The following MINK1 variants were observed in gnomAD, a reference collection of about 807,000 sequenced individuals.
The protein encoded by MINK1 is misshapen-like kinase 1.
A neutral mutation model predicts 178.4 loss-of-function variants in MINK1; 46 were observed. The observed-to-expected ratio is 0.26, with a 90% CI of 0.20 to 0.33. The LOEUF is 0.33. MINK1 is among the 10% of genes least tolerant of loss of function. MINK1 has a pLI of 1.00. For missense variants in MINK1, 1,366 were observed against 1,814.9 expected (o/e 0.75, Z 4.49); for synonymous variants, 797 against 709.7 (o/e 1.12, Z -1.96).
chr17:4,867,238 C>G (rs1176383121), intron 1 of MINK1, among the ~76,000 whole-genome samples: 1 of 142,852 alleles, frequency 7.0e-6, no homozygotes, highest in African/African-American at 2.6e-5. Flanking sequence ...GGCTCATCCT[C>G]CTGGGCTCAA....
In MINK1 at chr17:4,896,754, G is replaced by C. The variant is rs1969544697; in HGVS notation, c.3856G>C (p.Gly1286Arg). Residue 1286 changes from glycine to arginine, a missense_variant, in exon 31 of 32, where the codon GGG becomes CGG. Coordinates refer to ENST00000355280, the MANE Select transcript of MINK1 (RefSeq NM_153827.5). The surrounding 1 kb of genome is among the most constrained non-coding windows in gnomAD (Gnocchi z 4.6). ...IRSVETGHLD[G>R]VFMHKRAQRL... Reference sequence around the variant, plus strand: ...CTCTGTGGAGACGGGCCACCTCGACGGGGTCTTCATGCACAAACGAGCTCA... The same window carrying C: ...CTCTGTGGAGACGGGCCACCTCGACCGGGTCTTCATGCACAAACGAGCTCA... The C allele has an allele frequency of 6.2e-7, 1 of 1,600,414 alleles. No homozygotes were observed. The highest frequency in any genetic ancestry group is 8.5e-7 in the Non-Finnish European group (1 of 1,172,618).
chr17:4,850,278 T>C (rs1911729000), intron 1 of MINK1, among the ~76,000 whole-genome samples: 1 of 152,266 alleles, frequency 6.6e-6, no homozygotes. Flanking sequence ...ATGAAAGGTG[T>C]CTGGGAAGGT....
chr17:4,894,305 T>C lies in MINK1; in HGVS notation c.2802T>C (p.Ser934=). 6.2e-7 allele frequency: 1 copy of C among 1,601,756 alleles called. No homozygotes were observed. The highest frequency in any genetic ancestry group is 8.5e-7 in the Non-Finnish European group (1 of 1,177,006). The change falls in exon 23 of 32, where the codon AGT becomes AGC. Residue 934 remains serine, a synonymous_variant. Transcript: ENST00000355280. This position sits in a 1 kb window ranked among gnomAD's most constrained non-coding sequence, Gnocchi z 4.1. ...AAAGCCCACCCTCGAAGGATGGGAG[T>C]GGTGACGTAAGTGGGCCGGAGGCAG... ...KGQSPPSKDG[S]GDYQSRGLVK...
rs1387883967 is a variant in MINK1 at position 4,836,608 on chromosome 17, A to G, written c.57+2968A>G. 1.3e-5 allele frequency among the ~76,000 whole-genome samples: 2 copies of G among 152,192 alleles called. No individual in the cohort carries two copies. Among genetic ancestry groups the G allele is most frequent in the African/African-American group, 4.8e-5 (2 of 41,442 alleles). On this transcript the variant is annotated intron_variant, in intron 1 of 31. Transcript: ENST00000355280. This position sits in a 1 kb window ranked among gnomAD's most constrained non-coding sequence, Gnocchi z 4.3. ...AGTCCTGTATCGTGGGCATGGTAAT[A>G]GTACTGAATGCAGAGTTGCTGAGGA...
intron 16 of MINK1, 123 bp downstream of exon 16, chr17:4,891,839 G>A (rs776844443): frequency 1.0e-5 from 14 of 1,360,308 alleles, no homozygotes; most frequent in African/African-American, 4.4e-5. Flanking sequence ...AAGCCAGGGC[G>A]CTGCCCTGCC....
Position 4,848,496 on chromosome 17 carries a change from G to T in MINK1, c.57+14856G>T, listed in dbSNP as rs572525133. On this transcript the variant is annotated intron_variant, in intron 1 of 31. Coordinates refer to ENST00000355280, the MANE Select transcript of MINK1 (RefSeq NM_153827.5). The stretch of plus-strand genomic sequence containing the variant: ...CTGCCTCAGCCTCCCAAGTAGCTGG[G>T]ACTACAGGCACCTGCCACCACACCT... Among the ~76,000 whole-genome samples the T allele has an allele frequency of 7.2e-5, 11 of 152,164 alleles. No individual in the cohort carries two copies. The South Asian group carries it at 2.3e-3, about 32-fold the overall frequency.
At chr17:4,854,475 C>T (rs1912694787) in intron 1 of MINK1, among the ~76,000 whole-genome samples, 1 of 152,192 alleles carries the variant, frequency 6.6e-6, no homozygotes, top group Non-Finnish European at 1.5e-5. Context: ...GGCCCCTCTG[C>T]TCTGACTGGT....
intron 1 of MINK1, chr17:4,847,339 A>G (rs950101338): frequency 4.0e-5 from 17 of 423,532 alleles, no homozygotes; most frequent in African/African-American, 2.6e-4. Flanking sequence ...CCTCGGTTCA[A>G]TCAATTCTCC....
chr17:4,898,047 A>C lies in MINK1; in HGVS notation c.*760A>C, dbSNP rs1452648665. 1.3e-5 allele frequency: 2 copies of C among 148,446 alleles called. No individual in the cohort carries two copies. Among genetic ancestry groups the C allele is most frequent in the South Asian group, 4.1e-4 (2 of 4,888 alleles). 9.2% of individuals were successfully genotyped at this position (148,446 alleles called of 1,614,324 possible). ...TCCTGTTTGTTAATAAAGACAATTC[A>C]ACCAGCTCCCACCATGCAGGCCGCA... On this transcript the variant is annotated 3_prime_UTR_variant, in exon 32 of 32. Transcript: ENST00000355280.
rs1474469564 is a variant in MINK1 at position 4,892,486 on chromosome 17, G to GC, written c.2177dup (p.Gly727TrpfsTer7). 6.4e-7 allele frequency: 1 copy of GC among 1,561,424 alleles called. No homozygotes were observed. The highest frequency in any genetic ancestry group is 8.7e-7 in the Non-Finnish European group (1 of 1,153,352). On this transcript the variant is annotated frameshift_variant, in exon 18 of 32. Coordinates refer to ENST00000355280, the MANE Select transcript of MINK1 (RefSeq NM_153827.5). LOFTEE classifies it high-confidence loss of function. ...CAAAGCCTCCAGGGCCCCCTGCTCA[G>GC]CCCCCTGGCCCGCCCAACGCCTCTA...
At chr17:4,853,358 G>A (rs1912489150) in intron 1 of MINK1, among the ~76,000 whole-genome samples, 1 of 89,742 alleles carries the variant, frequency 1.1e-5, no homozygotes, top group Admixed American at 1.1e-4. Flanking sequence ...TGGGAAGAGT[G>A]TGGTTGGGGG....
At chr17:4,893,863 T>C (rs972248264) in intron 21 of MINK1, 125 bp from the exon 22 acceptor site, 2 of 891,216 alleles carry the variant, frequency 2.2e-6, no homozygotes, top group African/African-American at 3.4e-5. Flanking sequence ...GGCTACACCG[T>C]GAGGGTGGAG....
chr17:4,867,138 GTTTTTTT>G (rs759995957), intron 1 of MINK1, among the ~76,000 whole-genome samples: 1 of 64,914 alleles, frequency 1.5e-5, no homozygotes, highest in Non-Finnish European at 2.8e-5. Flanking sequence ...TCTTAGGACT[GTTTTTTT>G]TTTTTTTTTT....
chr17:4,854,437 T>A (rs1463148497), intron 1 of MINK1, among the ~76,000 whole-genome samples: 1 of 152,232 alleles, frequency 6.6e-6, no homozygotes, highest in African/African-American at 2.4e-5. Flanking sequence ...AGGAGGGGAA[T>A]AAATTCCAGT....
At chr17:4,838,760 G>A (rs1909679828) in intron 1 of MINK1, among the ~76,000 whole-genome samples, 1 of 152,162 alleles carries the variant, frequency 6.6e-6, no homozygotes, top group Non-Finnish European at 1.5e-5. Context: ...TTGAATCAGA[G>A]AAAGTTATCA....
chr17:4,846,471 C>T (rs1687128676), intron 1 of MINK1, among the ~76,000 whole-genome samples: 1 of 152,086 alleles, frequency 6.6e-6, no homozygotes, highest in Admixed American at 6.6e-5. Flanking sequence ...CAGTTGTTTT[C>T]CTTGGACTGA....
chr17:4,886,402 C>G lies in MINK1; in HGVS notation c.774-49C>G, dbSNP rs1490253075. The stretch of plus-strand genomic sequence containing the variant: ...ATGATCCACCCTCTTCCTCCTGCAC[C>G]CATCCCTTCTGAGGGGACCCTCCCA... On this transcript the variant is annotated intron_variant, in intron 9 of 31. Transcript: ENST00000355280. This position sits in a 1 kb window ranked among gnomAD's most constrained non-coding sequence, Gnocchi z 6.1. 2 of 1,568,706 alleles carry G rather than the reference C, an allele frequency of 1.3e-6. No individual in the cohort carries two copies. Among genetic ancestry groups the G allele is most frequent in the East Asian group, 2.2e-5 (1 of 44,520 alleles).
chr17:4,860,579 G>T (rs1015946885), intron 1 of MINK1, among the ~76,000 whole-genome samples: 8 of 152,202 alleles, frequency 5.3e-5, no homozygotes, highest in Non-Finnish European at 8.8e-5. Context: ...GAAAATGTCT[G>T]TTGATGCTGG....
At position 4,896,213 on chromosome 17, in the gene MINK1, C is replaced by A; in HGVS notation, c.3486C>A (p.His1162Gln). 1 of 1,599,328 alleles carries A rather than the reference C, an allele frequency of 6.3e-7. No homozygotes were observed. The highest frequency in any genetic ancestry group is 8.5e-7 in the Non-Finnish European group (1 of 1,172,124). ...TGCAGTCCTTTGCCGACCTCCCCCACCGCCCTCTGCTGGTCGACCTGACAG... is the reference window on the plus strand; with the variant it reads ...TGCAGTCCTTTGCCGACCTCCCCCAACGCCCTCTGCTGGTCGACCTGACAG... ...MAFKSFADLPHRPLLVDLTVE... is the reference protein window; with the variant it reads ...MAFKSFADLPQRPLLVDLTVE... The change falls in exon 29 of 32, where the codon CAC becomes CAA. Residue 1162 changes from histidine (H) to glutamine (Q), a missense_variant. His to Gln is a conservative substitution (Grantham distance 24). Coordinates refer to ENST00000355280, the MANE Select transcript of MINK1 (RefSeq NM_153827.5). The surrounding 1 kb of genome is among the most constrained non-coding windows in gnomAD (Gnocchi z 4.6).
Sources: gnomAD v4.1 joint callset for allele counts (sites outside exome capture counted in the v4.1 genomes callset) on GRCh38, gnomAD v4.1.1 for gene constraint, Gnocchi (gnomAD v3.1) non-coding constraint, MANE v1.5 for transcripts, NCBI Gene and HGNC (gene_info 2026-07-23, HGNC 2026-07-21) for gene names.